Variants in RBFOX1 observed in about 807,000 individuals in gnomAD.
RBFOX1 encodes the protein RNA binding protein fox-1 homolog 1.
In RBFOX1, 8 loss-of-function variants were observed where a neutral mutation model predicts 57.7. The observed-to-expected ratio is 0.14, with a 90% CI of 0.08 to 0.25. The LOEUF (loss-of-function observed/expected upper bound fraction) is 0.25. Ranked by LOEUF, RBFOX1 falls within the 10% of genes least tolerant of loss-of-function variation. RBFOX1 has a pLI of 1.00. For missense variants in RBFOX1, 611 were observed against 548.5 expected (o/e 1.11, Z -1.14); for synonymous variants, 326 against 222.4 (o/e 1.47, Z -4.15).
At chr16:7,554,925 G>C (rs1161065153) in intron 5 of RBFOX1, among the ~76,000 whole-genome samples, 1 of 152,130 alleles carries the variant, frequency 6.6e-6, no homozygotes, top group African/African-American at 2.4e-5. Flanking sequence ...GGGACAATTA[G>C]CATTCGTAGT....
chr16:5,561,735 C>A (rs2045897983), intron 2 of RBFOX1, among the ~76,000 whole-genome samples: 2 of 152,172 alleles, frequency 1.3e-5, no homozygotes, highest in African/African-American at 2.4e-5. Flanking sequence ...ACTTACTGGG[C>A]AATCTGCTCC....
intron 3 of RBFOX1, among the ~76,000 whole-genome samples, chr16:5,864,339 G>T (rs2057295985): frequency 6.6e-6 from 1 of 152,132 alleles, no homozygotes; most frequent in Non-Finnish European, 1.5e-5. Flanking sequence ...TTTACAAGTG[G>T]ATACATTATC....
chr16:6,115,395 A>C (rs1399550689), intron 1 of RBFOX1, among the ~76,000 whole-genome samples: 1 of 150,524 alleles, frequency 6.6e-6, no homozygotes, highest in African/African-American at 2.5e-5. Flanking sequence ...GGTCTTTATT[A>C]TTATGATAAT....
chr16:7,696,340 A>G (rs1298272664), intron 14 of RBFOX1, among the ~76,000 whole-genome samples: 1 of 152,176 alleles, frequency 6.6e-6, no homozygotes, highest in Non-Finnish European at 1.5e-5. Context: ...CTCATTCAGT[A>G]ACATCAAGAA....
chr16:7,298,766 A>C (rs577573683), intron 4 of RBFOX1, among the ~76,000 whole-genome samples: 2 of 152,240 alleles, frequency 1.3e-5, no homozygotes, highest in African/African-American at 2.4e-5. Flanking sequence ...AAGAGAAAAC[A>C]TATTTACTAT....
At chr16:7,071,159 T>A (rs1426612821) in intron 4 of RBFOX1, among the ~76,000 whole-genome samples, 1 of 152,154 alleles carries the variant, frequency 6.6e-6, no homozygotes, top group Non-Finnish European at 1.5e-5. Flanking sequence ...CCCTGAAGCT[T>A]CCGTTTTGAC....
chr16:7,605,574 C>A (rs1000431136), intron 9 of RBFOX1, among the ~76,000 whole-genome samples: 2 of 152,168 alleles, frequency 1.3e-5, no homozygotes, highest in African/African-American at 4.8e-5. Context: ...GACATACTGG[C>A]CTGTCTGTTG....
At chr16:7,600,326 T>C (rs2140957554) in intron 9 of RBFOX1, among the ~76,000 whole-genome samples, 1 of 152,318 alleles carries the variant, frequency 6.6e-6, no homozygotes, top group African/African-American at 2.4e-5. Context: ...GCTTCTGTAG[T>C]GGAGATTATG....
At chr16:6,736,485 A>T (rs1004112467) in intron 3 of RBFOX1, among the ~76,000 whole-genome samples, 3 of 152,160 alleles carry the variant, frequency 2.0e-5, no homozygotes, top group Admixed American at 6.5e-5. Context: ...AATGCTGTTA[A>T]TTCATTCGTT....
At chr16:5,766,154 G>T (rs2053770274) in intron 3 of RBFOX1, among the ~76,000 whole-genome samples, 1 of 152,176 alleles carries the variant, frequency 6.6e-6, no homozygotes, top group Admixed American at 6.5e-5. Flanking sequence ...AGATATTCAT[G>T]GTATTCCAGG....
chr16:6,348,869 A>C (rs1329548949), intron 2 of RBFOX1, among the ~76,000 whole-genome samples: 1 of 152,180 alleles, frequency 6.6e-6, no homozygotes, highest in Non-Finnish European at 1.5e-5. Flanking sequence ...ACACAGATCC[A>C]AACCATATCA....
chr16:5,678,504 T>A (rs947910762), intron 3 of RBFOX1, among the ~76,000 whole-genome samples: 2 of 152,188 alleles, frequency 1.3e-5, no homozygotes, highest in African/African-American at 4.8e-5. Flanking sequence ...GTCTTCATGA[T>A]GATCTTTTGA....
intron 3 of RBFOX1, among the ~76,000 whole-genome samples, chr16:6,976,252 G>A (rs1219681253): frequency 6.6e-6 from 1 of 152,144 alleles, no homozygotes; most frequent in East Asian, 1.9e-4. Flanking sequence ...GAGGCACGGG[G>A]CAGTTAAGAA....
At chr16:7,550,779 C>A (rs896006192) in intron 5 of RBFOX1, among the ~76,000 whole-genome samples, 3 of 152,078 alleles carry the variant, frequency 2.0e-5, no homozygotes, top group Non-Finnish European at 4.4e-5. Context: ...CAATGACTAC[C>A]TGTCTTCACC....
intron 2 of RBFOX1, among the ~76,000 whole-genome samples, chr16:6,613,022 TGTGTGTGTGTGTGTGTGTGTGA>T (rs1434027332): frequency 2.0e-5 from 3 of 149,602 alleles, no homozygotes; most frequent in African/African-American, 5.0e-5. Context: ...TGTGTGTGTG[TGTGTGTGTGTGTGTGTGTGTGA>T]GTGTGTGTGT....
chr16:6,766,567 G>A (rs189032995), intron 3 of RBFOX1, among the ~76,000 whole-genome samples: 1 of 151,798 alleles, frequency 6.6e-6, no homozygotes, highest in Non-Finnish European at 1.5e-5. Flanking sequence ...TTTATCATCA[G>A]TGTCTAATGA....
chr16:6,970,917 C>G (rs930331242), intron 3 of RBFOX1, among the ~76,000 whole-genome samples: 1 of 152,158 alleles, frequency 6.6e-6, no homozygotes, highest in African/African-American at 2.4e-5. Flanking sequence ...CTGTGCTGTT[C>G]CATTTGTCTG....
intron 2 of RBFOX1, among the ~76,000 whole-genome samples, chr16:6,357,388 A>G (rs2087538251): frequency 6.6e-6 from 1 of 151,816 alleles, no homozygotes; most frequent in Non-Finnish European, 1.5e-5. Context: ...CTCCCCATTC[A>G]ATTTTCCTTA....
chr16:7,285,036 C>A (rs1460130654), intron 4 of RBFOX1, among the ~76,000 whole-genome samples: 1 of 147,868 alleles, frequency 6.8e-6, no homozygotes, highest in African/African-American at 2.5e-5. Flanking sequence ...CCCTCACCCT[C>A]AGTCTCAATC....
Sources: allele counts gnomAD v4.1 joint callset (sites outside exome capture counted in the v4.1 genomes callset), GRCh38; gene constraint gnomAD v4.1.1; transcripts MANE v1.5; gene names NCBI Gene and HGNC (gene_info 2026-07-23, HGNC 2026-07-21).